Variants in ZBTB20 observed in about 807,000 individuals in gnomAD.
ZBTB20 encodes zinc finger and BTB domain-containing protein 20.
In ZBTB20, 9 loss-of-function variants were observed where a neutral mutation model predicts 56.9. That is an observed-to-expected ratio of 0.16 (90% CI 0.10 to 0.28). ZBTB20 has a LOEUF of 0.28. ZBTB20 is among the 10% of genes least tolerant of loss of function. The probability of loss-of-function intolerance (pLI) is 1.00; values close to 1 mark genes in which losing one functional copy is unlikely to be tolerated. For synonymous variants in ZBTB20, 417 were observed against 420.7 expected (o/e 0.99, Z 0.11); for missense variants, 655 against 1,003.0 (o/e 0.65, Z 4.69).
intron 2 of ZBTB20, chr3:115,027,652 T>C (rs895125442): frequency 4.0e-5 from 6 of 150,936 alleles, no homozygotes; most frequent in Non-Finnish European, 5.9e-5. Flanking sequence ...AATCAAGTCA[T>C]ATGGAAGACA....
In ZBTB20 at chr3:114,483,250, G is replaced by A. The variant is rs1314598513; in HGVS notation, c.-255+17102C>T. Among the ~76,000 whole-genome samples, 7 of 152,022 alleles carry A rather than the reference G, an allele frequency of 4.6e-5. No homozygotes were observed. The East Asian group carries it at 1.4e-3, about 29-fold the overall frequency. The stretch of plus-strand genomic sequence containing the variant: ...TTGAAAATAATTTTCCCATAATGAT[G>A]TCTTCCTCATATCTTTCATGATACA... On this transcript the variant is annotated intron_variant, in intron 7 of 11. Transcript: ENST00000675478.
Position 114,966,095 on chromosome 3 carries a change from T to C in ZBTB20, c.-456+8271A>G, listed in dbSNP as rs2077637901. 2.0e-5 allele frequency among the ~76,000 whole-genome samples: 3 copies of C among 152,168 alleles called. No individual in the cohort carries two copies. In the South Asian group the frequency reaches 6.2e-4, roughly 32 times the overall value. Reference sequence around the variant, plus strand: ...TAATCAGAAAAAGACTTTCTACAGCTTAGATCCTGTTTTTATAGTATTTTA... The same window carrying C: ...TAATCAGAAAAAGACTTTCTACAGCCTAGATCCTGTTTTTATAGTATTTTA... On this transcript the variant is annotated intron_variant, in intron 3 of 11. Coordinates refer to ENST00000675478, the MANE Select transcript of ZBTB20 (RefSeq NM_001348800.3).
At chr3:114,689,461 G>C (rs1230129357) in intron 6 of ZBTB20, among the ~76,000 whole-genome samples, 4 of 152,186 alleles carry the variant, frequency 2.6e-5, no homozygotes, top group African/African-American at 9.6e-5. Flanking sequence ...GAGGTGGAAG[G>C]TGTATCGTAC....
At chr3:114,737,628 T>C (rs2066272528) in intron 5 of ZBTB20, among the ~76,000 whole-genome samples, 1 of 152,164 alleles carries the variant, frequency 6.6e-6, no homozygotes, top group African/African-American at 2.4e-5. Context: ...ATGTGGAAAT[T>C]TTTTTCAGAA....
chr3:115,147,047 C>T (rs1330573688), intron 1 of ZBTB20, among the ~76,000 whole-genome samples, 172 bp downstream of exon 1: 1 of 149,494 alleles, frequency 6.7e-6, no homozygotes, highest in Non-Finnish European at 1.5e-5. Context: ...GCTCAGGGCC[C>T]GCTGGCTCGC....
At chr3:115,003,839 TTC>T (rs756377861) in intron 2 of ZBTB20, among the ~76,000 whole-genome samples, 62 of 151,666 alleles carry the variant, frequency 4.1e-4, no homozygotes, top group Non-Finnish European at 6.3e-4. Flanking sequence ...TGGTTTGAAT[TTC>T]TCTTTTCAGC....
chr3:114,530,173 C>A (rs2047683412), intron 6 of ZBTB20, among the ~76,000 whole-genome samples: 1 of 152,226 alleles, frequency 6.6e-6, no homozygotes, highest in Non-Finnish European at 1.5e-5. Context: ...TAGGTGTTCA[C>A]ATTCACTCAT....
At chr3:114,962,370 G>A (rs2077486971) in intron 3 of ZBTB20, among the ~76,000 whole-genome samples, 1 of 152,110 alleles carries the variant, frequency 6.6e-6, no homozygotes, top group South Asian at 2.1e-4. Flanking sequence ...ACCCAGATGT[G>A]AGTATCTGGT....
rs1395100761 is a variant in ZBTB20 at position 114,843,456 on chromosome 3, C to T, written c.-416-42282G>A. 2.0e-5 allele frequency among the ~76,000 whole-genome samples: 3 copies of T among 152,280 alleles called. No homozygotes were observed. In the South Asian group the frequency reaches 6.2e-4, roughly 32 times the overall value. ...ACGCAAATCTGCCCAAGATTTCAAG[C>T]CAGTAAATGGGGAGCTAGGTCTTCA... On this transcript the variant is annotated intron_variant, in intron 4 of 11. Coordinates refer to ENST00000675478, the MANE Select transcript of ZBTB20 (RefSeq NM_001348800.3).
In ZBTB20 at chr3:114,386,866, T is replaced by A. The variant is rs186344963; in HGVS notation, c.-154+2139A>T. Among the ~76,000 whole-genome samples, 7 of 152,284 alleles carry A rather than the reference T, an allele frequency of 4.6e-5. No homozygotes were observed. In the East Asian group the frequency reaches 1.4e-3, roughly 29 times the overall value. On this transcript the variant is annotated intron_variant, in intron 8 of 11. Coordinates refer to ENST00000675478, the MANE Select transcript of ZBTB20 (RefSeq NM_001348800.3). The stretch of plus-strand genomic sequence containing the variant: ...GAAGGAAAGACAGAACAAAATAAAA[T>A]AGGTTCTGTCTTAGCTTCCATGTAC...
At chr3:114,748,349 C>A in intron 5 of ZBTB20, among the ~76,000 whole-genome samples, 1 of 18,484 alleles carries the variant, frequency 5.4e-5, no homozygotes. Flanking sequence ...TTCTTTCTTT[C>A]TTTTCTCTCT....
chr3:114,697,828 G>C (rs1158427376), intron 5 of ZBTB20, among the ~76,000 whole-genome samples: 1 of 152,022 alleles, frequency 6.6e-6, no homozygotes, highest in Non-Finnish European at 1.5e-5. Context: ...CTTATTCAGA[G>C]AAACAGTTCT....
intron 2 of ZBTB20, among the ~76,000 whole-genome samples, chr3:115,017,229 A>G (rs1053922912): frequency 4.6e-5 from 7 of 151,644 alleles, no homozygotes; most frequent in Non-Finnish European, 8.9e-5. Flanking sequence ...GTTCCTATAC[A>G]CCAACAACAG....
At chr3:114,906,768 A>G (rs994080352) in intron 3 of ZBTB20, among the ~76,000 whole-genome samples, 12 of 151,728 alleles carry the variant, frequency 7.9e-5, no homozygotes, top group African/African-American at 2.9e-4. Flanking sequence ...CATTTTAGGT[A>G]GGAAAACATA....
rs879241053 is a variant in ZBTB20, at chr3:115,017,207, A to G, written c.-506-42791T>C. 1.3e-4 allele frequency among the ~76,000 whole-genome samples: 20 copies of G among 151,700 alleles called. No individual in the cohort carries two copies. In the Admixed American group the frequency reaches 1.3e-3, roughly 10 times the overall value. On this transcript the variant is annotated intron_variant, in intron 2 of 11. Coordinates refer to ENST00000675478, the MANE Select transcript of ZBTB20 (RefSeq NM_001348800.3). Reference sequence around the variant, plus strand: ...TCTCAGGATACATAATCAATGTGCAAAAGTCGCTAGCGTTCCTATACACCA... The same window carrying G: ...TCTCAGGATACATAATCAATGTGCAGAAGTCGCTAGCGTTCCTATACACCA...
At chr3:114,804,254 G>C (rs1578943164) in intron 4 of ZBTB20, among the ~76,000 whole-genome samples, 1 of 151,872 alleles carries the variant, frequency 6.6e-6, no homozygotes, top group African/African-American at 2.4e-5. Context: ...AAACCTGAAG[G>C]GGGGTGAGAA....
intron 5 of ZBTB20, among the ~76,000 whole-genome samples, chr3:114,700,869 T>G (rs191582887): frequency 6.6e-6 from 1 of 152,292 alleles, no homozygotes; most frequent in East Asian, 1.9e-4. Context: ...TTATGGGGTT[T>G]GTAATTCAGT....
intron 6 of ZBTB20, among the ~76,000 whole-genome samples, chr3:114,545,421 G>A (rs569848510): frequency 1.5e-4 from 23 of 152,210 alleles, no homozygotes; most frequent in South Asian, 1.0e-3. Context: ...ATCAGGGTGC[G>A]AGGATCAAGA....
chr3:114,466,314 C>A (rs1019692890), intron 7 of ZBTB20, among the ~76,000 whole-genome samples: 2 of 152,134 alleles, frequency 1.3e-5, no homozygotes, highest in Non-Finnish European at 2.9e-5. Context: ...AGGTAGGCAT[C>A]ATTATTATTA....
Sources: gnomAD v4.1 joint callset for allele counts (sites outside exome capture counted in the v4.1 genomes callset) on GRCh38, gnomAD v4.1.1 for gene constraint, MANE v1.5 for transcripts, NCBI Gene and HGNC (gene_info 2026-07-23, HGNC 2026-07-21) for gene names.